The following C3orf20 variants were observed in gnomAD, a reference collection of about 807,000 sequenced individuals.
C3orf20 encodes uncharacterized protein C3orf20.
Under a neutral mutation model 88.3 loss-of-function variants are expected in C3orf20, and 76 were observed. That is an observed-to-expected ratio of 0.86 (90% confidence interval 0.72 to 1.04). The LOEUF is 1.04. Among genes scored for constraint, C3orf20 ranks in the 50% least tolerant of loss-of-function variants. The pLI is 0.00. For missense variants in C3orf20, 1,056 were observed against 1,123.3 expected, an observed-to-expected ratio of 0.94 and a Z score of 0.86; for synonymous variants, 436 against 437.4, an observed-to-expected ratio of 1.00 and a Z score of 0.04.
chr3:14,710,875 C>T (rs2033707244), intron 7 of C3orf20, among the ~76,000 whole-genome samples: 1 of 147,948 alleles, frequency 6.8e-6, no homozygotes, highest in Admixed American at 6.9e-5. Flanking sequence ...TGTTCAAGTC[C>T]TCTATTTCTT....
chr3:14,675,428 G>A (rs895872287), intron 1 of C3orf20, among the ~76,000 whole-genome samples, 176 bp downstream of exon 1: 2 of 152,146 alleles, frequency 1.3e-5, no homozygotes, highest in African/African-American at 4.8e-5. Flanking sequence ...GAGAGGCCAG[G>A]AATGATATGA....
Position 14,713,500 on chromosome 3 carries a change from C to T in C3orf20, c.1161-507C>T, listed in dbSNP as rs77555496. ...CCTCTTTACTAGAAAATGAACAAGG[C>T]GACATTACCTGTACTCCTTGATTGG... On this transcript the variant is annotated intron_variant, in intron 7 of 16. Coordinates refer to ENST00000253697, the MANE Select transcript of C3orf20 (RefSeq NM_032137.5). Among the ~76,000 whole-genome samples the T allele has an allele frequency of 3.8e-3, 579 of 152,286 alleles. 4 individuals carry two copies. Among genetic ancestry groups the T allele is most frequent in the African/African-American group, 0.013 (549 of 41,536 alleles).
At chr3:14,765,933 G>A (rs2035689718) in intron 15 of C3orf20, among the ~76,000 whole-genome samples, 1 of 152,230 alleles carries the variant, frequency 6.6e-6, no homozygotes, top group Non-Finnish European at 1.5e-5. Context: ...GCAGGGGCTG[G>A]GGCAAGCTGT....
intron 5 of C3orf20, among the ~76,000 whole-genome samples, chr3:14,699,711 CT>C (rs1302231994): frequency 6.6e-6 from 1 of 152,194 alleles, no homozygotes; most frequent in Non-Finnish European, 1.5e-5. Flanking sequence ...AGCTGTGCCA[CT>C]TGAGATTGGG....
At chr3:14,756,259 C>T (rs1245002910) in intron 12 of C3orf20, among the ~76,000 whole-genome samples, 11 of 151,646 alleles carry the variant, frequency 7.3e-5, no homozygotes, top group Non-Finnish European at 1.2e-4. Flanking sequence ...ATTTGGATGG[C>T]GCTTATTCCC....
chr3:14,748,635 T>C lies in C3orf20; in HGVS notation c.1941-8736T>C, dbSNP rs1167002864. On this transcript the variant is annotated intron_variant, in intron 12 of 16. Coordinates refer to ENST00000253697, the MANE Select transcript of C3orf20 (RefSeq NM_032137.5). ...TGCTCTCAGTGTATCCCTTAAGTTT[T>C]GGTACGTTGTTTTTGTTTTCATTTC... 2.0e-5 allele frequency among the ~76,000 whole-genome samples: 3 copies of C among 152,212 alleles called. No individual in the cohort carries two copies. The East Asian group carries it at 5.8e-4, about 29-fold the overall frequency.
At chr3:14,735,555 C>A (rs188005312) in intron 12 of C3orf20, among the ~76,000 whole-genome samples, 40 of 151,584 alleles carry the variant, frequency 2.6e-4, no homozygotes, top group East Asian at 1.9e-3. Flanking sequence ...TGTTTTAATT[C>A]TATATATATG....
At chr3:14,711,943 T>G (rs1319125884) in intron 7 of C3orf20, among the ~76,000 whole-genome samples, 1 of 152,154 alleles carries the variant, frequency 6.6e-6, no homozygotes, top group Non-Finnish European at 1.5e-5. Context: ...ACTTCTCATT[T>G]CCTTTTCTCC....
At chr3:14,699,182 A>T (rs942648797) in intron 5 of C3orf20, among the ~76,000 whole-genome samples, 4 of 152,108 alleles carry the variant, frequency 2.6e-5, no homozygotes, top group African/African-American at 9.7e-5. Flanking sequence ...CAGGTATAGA[A>T]ATGCCATCTG....
rs150199190 is a variant in C3orf20 at position 14,701,778 on chromosome 3, G to A, written c.746-1352G>A. Among the ~76,000 whole-genome samples the A allele has an allele frequency of 1.4e-4, 21 of 152,288 alleles. 1 individual carries two copies. Among genetic ancestry groups the A allele is most frequent in the African/African-American group, 5.1e-4 (21 of 41,554 alleles). The stretch of plus-strand genomic sequence containing the variant: ...ATCAAAAGGGTCCAATTCAGTGAGG[G>A]CCGTCCAGCCCTGGAAATGCTCTCT... On this transcript the variant is annotated intron_variant, in intron 5 of 16. Coordinates refer to ENST00000253697, the MANE Select transcript of C3orf20 (RefSeq NM_032137.5). The surrounding 1 kb of genome is among the most constrained non-coding windows in gnomAD (Gnocchi z 4.6).
At position 14,747,792 on chromosome 3, in the gene C3orf20, A is replaced by T. The variant is rs1429583903; in HGVS notation, c.1941-9579A>T. Among the ~76,000 whole-genome samples the T allele has an allele frequency of 2.0e-5, 3 of 151,992 alleles. No individual in the cohort carries two copies. The East Asian group carries it at 5.8e-4, about 29-fold the overall frequency. On this transcript the variant is annotated intron_variant, in intron 12 of 16. Coordinates refer to ENST00000253697, the MANE Select transcript of C3orf20 (RefSeq NM_032137.5). ...GAAATCTCAGATTTGACCTTTTTTTAAAAAATGTTGAGGCTAGGAAGACAA... is the reference window on the plus strand; with the variant it reads ...GAAATCTCAGATTTGACCTTTTTTTTAAAAATGTTGAGGCTAGGAAGACAA...
chr3:14,714,203 AG>A, intron 8 of C3orf20, 44 bp downstream of exon 8: 1 of 1,599,486 alleles, frequency 6.3e-7, no homozygotes, highest in South Asian at 1.1e-5. Context: ...AGTACCTCTG[AG>A]GGTGATGGAG....
chr3:14,747,442 T>G (rs1027439998), intron 12 of C3orf20, among the ~76,000 whole-genome samples: 1 of 152,174 alleles, frequency 6.6e-6, no homozygotes, highest in Non-Finnish European at 1.5e-5. Flanking sequence ...TTATCTAGCC[T>G]CAGTTTATAG....
chr3:14,678,804 T>TC (rs909789532), intron 1 of C3orf20, among the ~76,000 whole-genome samples: 2 of 152,196 alleles, frequency 1.3e-5, no homozygotes, highest in Admixed American at 1.3e-4. Context: ...GCCCCTGCCC[T>TC]CCAATTGCAG....
At chr3:14,741,325 G>T (rs777669009) in intron 12 of C3orf20, among the ~76,000 whole-genome samples, 1 of 151,976 alleles carries the variant, frequency 6.6e-6, no homozygotes, top group Non-Finnish European at 1.5e-5. Context: ...CTCTAGCTTC[G>T]TGAACATGTC....
chr3:14,675,632 C>A (rs552077635), intron 1 of C3orf20, among the ~76,000 whole-genome samples: 1 of 152,276 alleles, frequency 6.6e-6, no homozygotes, highest in Non-Finnish European at 1.5e-5. Flanking sequence ...AGAAATATTG[C>A]ATCTGTTCCA....
At chr3:14,744,650 C>CTT (rs2035010102) in intron 12 of C3orf20, among the ~76,000 whole-genome samples, 1 of 151,982 alleles carries the variant, frequency 6.6e-6, no homozygotes, top group Non-Finnish European at 1.5e-5. Context: ...TACAGTTCCC[C>CTT]ATGGCTGGGG....
In C3orf20 at chr3:14,728,473, G is replaced by A. The variant is rs774931901; in HGVS notation, c.1725G>A (p.Glu575=). The change falls in exon 12 of 17, where the codon GAG becomes GAA. Residue 575 remains glutamate, a synonymous_variant. Coordinates refer to ENST00000253697, the MANE Select transcript of C3orf20 (RefSeq NM_032137.5). ...LFTIEYPTKK[E]EEEFVRFKMR... ...CCATTGAATATCCCACCAAAAAGGAGGAGGAAGAATTTGTTCGGTTCAAGA... is the reference window on the plus strand; with the variant it reads ...CCATTGAATATCCCACCAAAAAGGAAGAGGAAGAATTTGTTCGGTTCAAGA... 8.7e-6 allele frequency: 14 copies of A among 1,614,076 alleles called. No individual in the cohort carries two copies. The highest frequency in any genetic ancestry group is 1.2e-5 in the Non-Finnish European group (14 of 1,180,036).
chr3:14,714,524 T>C (rs949513231), intron 8 of C3orf20, among the ~76,000 whole-genome samples: 1 of 152,224 alleles, frequency 6.6e-6, no homozygotes, highest in African/African-American at 2.4e-5. Flanking sequence ...ACACTACTTC[T>C]ATGGCATCTT....
Sources: gnomAD v4.1 joint callset for allele counts (sites outside exome capture counted in the v4.1 genomes callset) on GRCh38, gnomAD v4.1.1 for gene constraint, Gnocchi (gnomAD v3.1) non-coding constraint, MANE v1.5 for transcripts, NCBI Gene and HGNC (gene_info 2026-07-23, HGNC 2026-07-21) for gene names.